ASMTL: variants seen among roughly 807,000 people sequenced by gnomAD.
ASMTL encodes acetylserotonin O-methyltransferase like.
A neutral mutation model predicts 60.3 loss-of-function variants in ASMTL; 57 were observed. That is an observed-to-expected ratio of 0.95 (90% confidence interval 0.76 to 1.18). The LOEUF (loss-of-function observed/expected upper bound fraction) is 1.18, where lower values mean the gene tolerates loss of function less well. Ranked by LOEUF, ASMTL falls within the 50% of genes most tolerant of loss-of-function variation. The pLI is 0.00. For missense variants in ASMTL, 981 were observed against 852.6 expected (o/e 1.15, Z -1.88); for synonymous variants, 419 against 373.0 (o/e 1.12, Z -1.42).
At position 1,421,771 on chromosome X, in the gene ASMTL, T is replaced by C. The variant is rs773123553; in HGVS notation, c.1132A>G (p.Met378Val). 1.2e-6 allele frequency: 2 copies of C among 1,613,890 alleles called. No individual in the cohort carries two copies. Among genetic ancestry groups the C allele is most frequent in the South Asian group, 2.2e-5 (2 of 91,070 alleles). Reference protein sequence around the residue: ...DGEYSLHGFIMHNNDLTWNLF... With the variant: ...DGEYSLHGFIVHNNDLTWNLF... ...TTCCATGTGAGGTCATTATTGTGCA[T>C]GATGAAGCCGTGCAGAGAGTATTCG... Residue 378 changes from methionine (M) to valine (V), a missense_variant, in exon 9 of 13, where the codon ATG becomes GTG. Met to Val is a conservative substitution (Grantham distance 21). Transcript: ENST00000381317.
At chrX:1,411,876 A>G (rs1366360685) in intron 12 of ASMTL, among the ~76,000 whole-genome samples, 1 of 128,314 alleles carries the variant, frequency 7.8e-6, no homozygotes, top group African/African-American at 3.1e-5. Context: ...GCGGTGGCGC[A>G]GTCTCGGCTC....
intron 12 of ASMTL, among the ~76,000 whole-genome samples, chrX:1,406,402 GGATGGATA>G (rs2089844851): frequency 6.6e-6 from 1 of 151,184 alleles, no homozygotes; most frequent in Admixed American, 6.6e-5. Context: ...GTAGATGAAT[GGATGGATA>G]GATGGATGCA....
intron 4 of ASMTL, 83 bp downstream of exon 4, chrX:1,435,611 G>C: frequency 7.4e-7 from 1 of 1,353,332 alleles, no homozygotes; most frequent in South Asian, 1.2e-5. Flanking sequence ...GATCCACCCT[G>C]CTCCCCAGGA....
chrX:1,423,987 C>G (rs1421918987), intron 8 of ASMTL, among the ~76,000 whole-genome samples: 2 of 151,266 alleles, frequency 1.3e-5, no homozygotes, highest in Non-Finnish European at 3.0e-5. Flanking sequence ...TCCATTCATT[C>G]CCCCACCCAT....
chrX:1,439,227 G>T, intron 2 of ASMTL, 83 bp from the exon 3 acceptor site: 1 of 1,460,138 alleles, frequency 6.8e-7, no homozygotes, highest in Non-Finnish European at 9.6e-7. Flanking sequence ...GGGCGTGAAA[G>T]AGCACCGCAG....
At chrX:1,447,058 T>C (rs1340686766) in intron 1 of ASMTL, among the ~76,000 whole-genome samples, 3 of 152,232 alleles carry the variant, frequency 2.0e-5, no homozygotes, top group Admixed American at 2.0e-4. Context: ...CTTAAAGCCC[T>C]GTGAACTAAA....
intron 11 of ASMTL, among the ~76,000 whole-genome samples, chrX:1,416,880 C>G (rs1456001268): frequency 6.6e-6 from 1 of 151,166 alleles, no homozygotes; most frequent in African/African-American, 2.4e-5. Context: ...TCCACAGACA[C>G]GCAGACACAC....
chrX:1,432,166 C>T (rs1161364847), intron 6 of ASMTL, 103 bp downstream of exon 6: 8 of 930,844 alleles, frequency 8.6e-6, no homozygotes, highest in Non-Finnish European at 1.2e-5. Flanking sequence ...GCCCCCGGAG[C>T]GGGGCCTCCT....
rs1465458841 is a variant in ASMTL, at chrX:1,417,945, T to C, written c.1522+28A>G. On this transcript the variant is annotated intron_variant, in intron 11 of 12. Transcript: ENST00000381317. ...AGAGATGCTGCAGTCTGGAAAAGGT[T>C]AGCAGGGTGAACAGGAGGAGGGCTC... 2.0e-5 allele frequency: 31 copies of C among 1,585,316 alleles called. No homozygotes were observed. The South Asian group carries it at 3.5e-4, about 18-fold the overall frequency.
At chrX:1,443,126 C>T (rs1419242398) in intron 1 of ASMTL, among the ~76,000 whole-genome samples, 2 of 151,706 alleles carry the variant, frequency 1.3e-5, no homozygotes, top group African/African-American at 4.8e-5. Context: ...ACACACACCG[C>T]CGTCGTGGAC....
intron 11 of ASMTL, among the ~76,000 whole-genome samples, chrX:1,414,179 C>T (rs1330569327): frequency 1.1e-4 from 16 of 151,994 alleles, no homozygotes; most frequent in African/African-American, 3.4e-4. Flanking sequence ...AGCCCAGGGA[C>T]ACCCGGAGCC....
intron 8 of ASMTL, among the ~76,000 whole-genome samples, chrX:1,423,663 TCCACCGATC>T (rs2090534892): frequency 6.8e-6 from 1 of 147,556 alleles, no homozygotes; most frequent in African/African-American, 2.5e-5. Flanking sequence ...ACCCATCCAA[TCCACCGATC>T]CACCCATCTA....
At chrX:1,405,735 T>A (rs2089802885) in intron 12 of ASMTL, among the ~76,000 whole-genome samples, 1 of 150,266 alleles carries the variant, frequency 6.7e-6, no homozygotes, top group South Asian at 2.1e-4. Context: ...ATGGATGAGA[T>A]GGATGGATGG....
chrX:1,412,842 C>T lies in ASMTL; in HGVS notation c.1535G>A (p.Arg512Lys), dbSNP rs1383963412. 1 of 1,613,866 alleles carries T rather than the reference C, an allele frequency of 6.2e-7. No homozygotes were observed. Among genetic ancestry groups the T allele is most frequent in the Admixed American group, 1.7e-5 (1 of 59,998 alleles). The change falls in exon 12 of 13, where the codon AGG becomes AAG. Residue 512 changes from arginine to lysine, a missense_variant. By Grantham distance (26) the Arg-to-Lys change is conservative (BLOSUM62 2). Transcript: ENST00000381317. ...CAGCTCAGCGCTGGGGAGGGGGTCC[C>T]TGAAAAAGTCACCTGGTTTAAAGAC... ...QIHFAAGDFF[R>K]DPLPSAELYV...
chrX:1,411,767 A>G (rs1340952302), intron 12 of ASMTL, among the ~76,000 whole-genome samples: 2 of 149,226 alleles, frequency 1.3e-5, no homozygotes, highest in Non-Finnish European at 3.0e-5. Context: ...AGCCACTTCA[A>G]CTTCACGAAT....
intron 9 of ASMTL, among the ~76,000 whole-genome samples, chrX:1,420,871 C>G (rs1365166416): frequency 6.6e-6 from 1 of 152,062 alleles, no homozygotes; most frequent in Non-Finnish European, 1.5e-5. Context: ...ACGGCTTACA[C>G]TGCAGCCTTG....
At chrX:1,403,727 C>G in intron 12 of ASMTL, 1 of 598,630 alleles carries the variant, frequency 1.7e-6, no homozygotes, top group Non-Finnish European at 3.0e-6. Flanking sequence ...GATGCATCAC[C>G]TGGGCCTTTT....
intron 11 of ASMTL, among the ~76,000 whole-genome samples, chrX:1,417,498 T>C (rs1377592034): frequency 1.4e-5 from 2 of 140,780 alleles, no homozygotes; most frequent in African/African-American, 2.6e-5. Context: ...ACACACACCA[T>C]GCACACAGAT....
chrX:1,450,824 T>C (rs2091350972), intron 1 of ASMTL, among the ~76,000 whole-genome samples: 1 of 119,888 alleles, frequency 8.3e-6, no homozygotes, highest in Non-Finnish European at 1.7e-5. Context: ...CCCACATCCC[T>C]AGGCGGTACT....
Sources: allele counts gnomAD v4.1 joint callset (sites outside exome capture counted in the v4.1 genomes callset), GRCh38; gene constraint gnomAD v4.1.1; transcripts MANE v1.5; gene names NCBI Gene and HGNC (gene_info 2026-07-23, HGNC 2026-07-21).